The following MGA variants were observed in gnomAD, a reference collection of about 807,000 sequenced individuals.
The protein encoded by MGA is MAX gene-associated protein.
Under a neutral mutation model 261.1 loss-of-function variants are expected in MGA, and 40 were observed. That is an observed-to-expected ratio of 0.15 (90% CI 0.12 to 0.20). The LOEUF (loss-of-function observed/expected upper bound fraction) is 0.20, where lower values mean the gene tolerates loss of function less well. Among genes scored for constraint, MGA ranks in the 10% least tolerant of loss-of-function variants. MGA has a pLI of 1.00. For synonymous variants in MGA, 1,302 were observed against 1,290.6 expected (o/e 1.01, Z -0.19); for missense variants, 3,397 against 3,630.5 (o/e 0.94, Z 1.65).
intron 2 of MGA, 105 bp downstream of exon 2, chr15:41,670,063 T>C (rs1285795813): frequency 1.1e-6 from 1 of 892,690 alleles, no homozygotes; most frequent in Non-Finnish European, 1.7e-6. Context: ...TGTTGATAAA[T>C]GTAAGCCACT....
rs1343896003 is a variant in MGA, at chr15:41,742,627, T to G, written c.4667T>G (p.Val1556Gly). Residue 1556 changes from valine (V) to glycine (G), a missense_variant, in exon 15 of 24, where the codon GTT (valine) becomes GGT (glycine). By Grantham distance (109) the Val-to-Gly change is moderately radical. This residue lies in a region of MGA where 1,410 missense variants were observed against 1,386.4 expected (regional missense o/e 1.02). Coordinates refer to ENST00000219905, the MANE Select transcript of MGA (RefSeq NM_001164273.2). ...GCCTTGCAGCAGAAGATACCTGGAGTTAGCACACCCCAAACCCTGGCAGGG... is the reference window on the plus strand; with the variant it reads ...GCCTTGCAGCAGAAGATACCTGGAGGTAGCACACCCCAAACCCTGGCAGGG... 6.2e-7 allele frequency: 1 copy of G among 1,613,702 alleles called. No individual in the cohort carries two copies. Among genetic ancestry groups the G allele is most frequent in the African/African-American group, 1.3e-5 (1 of 74,850 alleles).
upstream of MGA, among the ~76,000 whole-genome samples, chr15:41,656,377 T>TCACACACACACACACACA (rs1243345715): frequency 1.5e-5 from 1 of 68,276 alleles, no homozygotes; most frequent in African/African-American, 3.8e-5. Context: ...TCTCTCTCTC[T>TCACACACACACACACACA]CACACCCAGG....
At chr15:41,720,461 G>A (rs1341101870) in intron 9 of MGA, among the ~76,000 whole-genome samples, 1 of 152,200 alleles carries the variant, frequency 6.6e-6, no homozygotes, top group Non-Finnish European at 1.5e-5. Flanking sequence ...AGTATGGCCA[G>A]GAGGTTGAGC....
intron 15 of MGA, among the ~76,000 whole-genome samples, chr15:41,743,912 T>C: frequency 6.6e-6 from 1 of 152,188 alleles, no homozygotes; most frequent in East Asian, 1.9e-4. Flanking sequence ...ACACTTTGTG[T>C]AGTTTTTATA....
chr15:41,727,270 T>G lies in MGA; in HGVS notation c.3521T>G (p.Ile1174Ser). 1 of 1,613,876 alleles carries G rather than the reference T, an allele frequency of 6.2e-7. No individual in the cohort carries two copies. Among genetic ancestry groups the G allele is most frequent in the Non-Finnish European group, 8.5e-7 (1 of 1,179,864 alleles). Reference sequence around the variant, plus strand: ...GAAGTAGATCCAGAACCAGTTTATATCCCCACGCCTTCTGTCATTGAGCCT... The same window carrying G: ...GAAGTAGATCCAGAACCAGTTTATAGCCCCACGCCTTCTGTCATTGAGCCT... The change falls in exon 10 of 24, where the codon ATC (isoleucine) becomes AGC (serine). Residue 1174 changes from isoleucine (I) to serine (S), a missense_variant. Coordinates refer to ENST00000219905, the MANE Select transcript of MGA (RefSeq NM_001164273.2).
intron 9 of MGA, among the ~76,000 whole-genome samples, chr15:41,722,298 T>C (rs377515007): frequency 6.6e-6 from 1 of 151,736 alleles, no homozygotes; most frequent in Non-Finnish European, 1.5e-5. Flanking sequence ...CCCGGCTAAT[T>C]TTTTGTATTT....
intron 18 of MGA, 128 bp downstream of exon 18, chr15:41,754,695 G>A: frequency 1.9e-6 from 2 of 1,067,174 alleles, no homozygotes; most frequent in Non-Finnish European, 2.5e-6. Flanking sequence ...TTTCTGATTA[G>A]TATAGATGAG....
chr15:41,740,035 A>C (rs1464252771), intron 13 of MGA: 4 of 1,613,880 alleles, frequency 2.5e-6, no homozygotes, highest in Non-Finnish European at 3.4e-6. Context: ...CTCAACCCTC[A>C]GTACTGTCAT....
chr15:41,713,475 A>C lies in MGA; in HGVS notation c.3409A>C (p.Lys1137Gln). 1 of 1,547,890 alleles carries C rather than the reference A, an allele frequency of 6.5e-7. No homozygotes were observed. Residue 1137 changes from lysine to glutamine, a missense_variant, in exon 9 of 24, where the codon AAG (lysine) becomes CAG (glutamine). Lys to Gln is a moderately conservative substitution (Grantham distance 53). Coordinates refer to ENST00000219905, the MANE Select transcript of MGA (RefSeq NM_001164273.2). Reference sequence around the variant, plus strand: ...GGAGGAACAATTGAAAGAGAAAAAGAAGAGAAAGAAGCTAGAATACAGTGA... The same window carrying C: ...GGAGGAACAATTGAAAGAGAAAAAGCAGAGAAAGAAGCTAGAATACAGTGA...
rs1208979140 is a variant in MGA, at chr15:41,743,209, G to A, written c.5212+37G>A. 6 of 1,547,010 alleles carry A rather than the reference G, an allele frequency of 3.9e-6. No individual in the cohort carries two copies. The Admixed American group carries it at 1.2e-4, about 31-fold the overall frequency. ...ATGTTACTAGCTGCTTTATTTTACT[G>A]TACACCTATTTATATAACTTTGTGG... is the stretch of plus-strand genomic sequence containing the variant. On this transcript the variant is annotated intron_variant, in intron 15 of 23. Transcript: ENST00000219905.
chr15:41,750,157 A>G lies in MGA; in HGVS notation c.6550A>G (p.Arg2184Gly), dbSNP rs2062752676. 6.2e-6 allele frequency: 10 copies of G among 1,614,004 alleles called. No individual in the cohort carries two copies. Among genetic ancestry groups the G allele is most frequent in the Non-Finnish European group, 5.9e-6 (7 of 1,179,886 alleles). ...AAAACATCTGAAGGGCCCCTTAACC[A>G]GGAAATGTGTTGGAGCTTCACAGGA... The change falls in exon 17 of 24, where the codon AGG (arginine) becomes GGG (glycine). Residue 2184 changes from arginine to glycine, a missense_variant. By Grantham distance (125) the Arg-to-Gly change is moderately radical. Coordinates refer to ENST00000219905, the MANE Select transcript of MGA (RefSeq NM_001164273.2).
Position 41,709,725 on chromosome 15 carries a change from C to T in MGA, c.2426-966C>T, listed in dbSNP as rs563190751. The stretch of plus-strand genomic sequence containing the variant: ...TGCCGGGATTACAGGCATGAACCCC[C>T]GTGCTCAGTCTCACTCTCATAAATA... On this transcript the variant is annotated intron_variant, in intron 7 of 23. Coordinates refer to ENST00000219905, the MANE Select transcript of MGA (RefSeq NM_001164273.2). Among the ~76,000 whole-genome samples the T allele has an allele frequency of 5.3e-5, 8 of 152,154 alleles. No homozygotes were observed. In the East Asian group the frequency reaches 7.7e-4, roughly 15 times the overall value.
At chr15:41,741,359 A>AAG (rs2062090201) in intron 14 of MGA, among the ~76,000 whole-genome samples, 1 of 151,598 alleles carries the variant, frequency 6.6e-6, no homozygotes, top group Admixed American at 6.6e-5. Flanking sequence ...AAAAAAAAAA[A>AAG]AAAAAAAAAG....
rs1032346298 is a variant in MGA, at chr15:41,745,283, A to T, written c.5212+2111A>T. On this transcript the variant is annotated intron_variant, in intron 15 of 23. Coordinates refer to ENST00000219905, the MANE Select transcript of MGA (RefSeq NM_001164273.2). ...GAGAAACACCCAAGAATGATCAATAAAAAAAAAAAAAAAAAAAAAAAAAAG... is the reference window on the plus strand; with the variant it reads ...GAGAAACACCCAAGAATGATCAATATAAAAAAAAAAAAAAAAAAAAAAAAG... 3.8e-3 allele frequency among the ~76,000 whole-genome samples: 512 copies of T among 133,882 alleles called. 11 individuals are homozygous for T. The highest frequency in any genetic ancestry group is 5.8e-3 in the Non-Finnish European group (362 of 62,856). The allele number at this position is 133,882 out of a possible 152,430, so 87.8% of individuals were successfully genotyped here.
At chr15:41,760,681 C>T (rs2063401806) in intron 20 of MGA, among the ~76,000 whole-genome samples, 152 bp downstream of exon 20, 2 of 151,942 alleles carry the variant, frequency 1.3e-5, no homozygotes, top group South Asian at 2.1e-4. Flanking sequence ...CCAGTAAATC[C>T]CTTAGGGGGA....
intron 5 of MGA, 23 bp downstream of exon 5, chr15:41,699,182 T>C (rs1344329704): frequency 2.1e-6 from 3 of 1,450,806 alleles, no homozygotes; most frequent in African/African-American, 1.4e-5. Context: ...CGACTTCTTT[T>C]TTTTTGTTTT....
chr15:41,651,943 C>T, intron 1 of MGA, among the ~76,000 whole-genome samples: 1 of 49,734 alleles, frequency 2.0e-5, no homozygotes, highest in Non-Finnish European at 3.9e-5. Flanking sequence ...CCCCCCGTCT[C>T]TCCTCTTCCC....
upstream of MGA, among the ~76,000 whole-genome samples, chr15:41,657,952 T>C (rs2057241322): frequency 6.6e-6 from 1 of 152,218 alleles, no homozygotes; most frequent in African/African-American, 2.4e-5. Context: ...TTTGGGGTTC[T>C]GCTGTAGACA....
intron 1 of MGA, among the ~76,000 whole-genome samples, chr15:41,635,832 A>G (rs943993357): frequency 6.6e-6 from 1 of 152,214 alleles, no homozygotes; most frequent in African/African-American, 2.4e-5. Context: ...TTTCTGTTGC[A>G]TAGTGATAGG....
Sources: allele counts gnomAD v4.1 joint callset (sites outside exome capture counted in the v4.1 genomes callset), GRCh38; gene constraint gnomAD v4.1.1; regional missense constraint gnomAD v4.1.1; transcripts MANE v1.5; gene names NCBI Gene and HGNC (gene_info 2026-07-23, HGNC 2026-07-21).